TRIM33: variants seen among roughly 807,000 people sequenced by gnomAD.
TRIM33 encodes the protein E3 ubiquitin-protein ligase TRIM33.
In TRIM33, 20 loss-of-function variants were observed where a neutral mutation model predicts 125.4. That is an observed-to-expected ratio of 0.16 (90% confidence interval 0.11 to 0.23). The LOEUF (loss-of-function observed/expected upper bound fraction) is 0.23, where lower values mean the gene tolerates loss of function less well. TRIM33 is among the 10% of genes least tolerant of loss of function. The pLI is 1.00. For missense variants in TRIM33, 920 were observed against 1,411.4 expected (o/e 0.65, Z 5.58); for synonymous variants, 564 against 513.9 (o/e 1.10, Z -1.32).
chr1:114,407,165 T>C (rs1439610172), intron 13 of TRIM33, 65 bp from the exon 14 acceptor site: 5 of 1,371,688 alleles, frequency 3.6e-6, no homozygotes, highest in African/African-American at 2.9e-5. Flanking sequence ...AAAACAATTA[T>C]ATGAAAAGTA....
intron 4 of TRIM33, among the ~76,000 whole-genome samples, chr1:114,445,130 A>C (rs563152988): frequency 6.6e-6 from 1 of 152,216 alleles, no homozygotes; most frequent in Non-Finnish European, 1.5e-5. Flanking sequence ...CAGTGTGAAG[A>C]AGAGAGGGAG....
intron 6 of TRIM33, among the ~76,000 whole-genome samples, chr1:114,429,514 T>C (rs1647806865): frequency 6.6e-6 from 1 of 152,048 alleles, no homozygotes; most frequent in African/African-American, 2.4e-5. Context: ...ATCTCACAAA[T>C]TGTGTTTCAC....
At chr1:114,423,793 G>C (rs1170933147) in intron 10 of TRIM33, among the ~76,000 whole-genome samples, 1 of 152,112 alleles carries the variant, frequency 6.6e-6, no homozygotes, top group Non-Finnish European at 1.5e-5. Flanking sequence ...TCCAACTTTA[G>C]TACGCAGATT....
chr1:114,488,319 T>C (rs1226536350), intron 1 of TRIM33, among the ~76,000 whole-genome samples: 1 of 152,082 alleles, frequency 6.6e-6, no homozygotes, highest in African/African-American at 2.4e-5. Flanking sequence ...AACACATCAA[T>C]AATTACCTTA....
intron 1 of TRIM33, among the ~76,000 whole-genome samples, chr1:114,482,110 C>T (rs1651398341): frequency 6.6e-6 from 1 of 152,162 alleles, no homozygotes. Flanking sequence ...TGGCAGCCAT[C>T]AGCCACACAT....
chr1:114,428,496 G>C lies in TRIM33; in HGVS notation c.1156-602C>G, dbSNP rs370079190. Among the ~76,000 whole-genome samples the C allele has an allele frequency of 1.6e-4, 24 of 152,268 alleles. 1 individual carries two copies. The highest frequency in any genetic ancestry group is 3.4e-3 in the Middle Eastern group (1 of 294). The stretch of plus-strand genomic sequence containing the variant: ...AAAGGAAAAATAAACTGCTTTATGG[G>C]AACTAAAATCACCCCAGGAGGGATG... On this transcript the variant is annotated intron_variant, in intron 6 of 19. Coordinates refer to ENST00000358465, the MANE Select transcript of TRIM33 (RefSeq NM_015906.4).
At position 114,486,200 on chromosome 1, in the gene TRIM33, C is replaced by T. The variant is rs748645023; in HGVS notation, c.527-21812G>A. On this transcript the variant is annotated intron_variant, in intron 1 of 19. Transcript: ENST00000358465. ...CTGAGGCAGGAGAATTGCTTGAACC[C>T]GGGAGGAAGAGGTTGCAATGAGCTG... Among the ~76,000 whole-genome samples, 7 of 152,098 alleles carry T rather than the reference C, an allele frequency of 4.6e-5. No individual in the cohort carries two copies. The East Asian group carries it at 5.8e-4, about 13-fold the overall frequency.
chr1:114,429,154 A>G (rs1647777420), intron 6 of TRIM33, among the ~76,000 whole-genome samples: 1 of 151,932 alleles, frequency 6.6e-6, no homozygotes, highest in South Asian at 2.1e-4. Context: ...ACAGTAGGAA[A>G]AGGGACCCAC....
chr1:114,439,431 G>A (rs971626474), intron 4 of TRIM33, among the ~76,000 whole-genome samples: 1 of 136,964 alleles, frequency 7.3e-6, no homozygotes, highest in Non-Finnish European at 1.5e-5. Flanking sequence ...ATTGCGCCAC[G>A]GCACTCCAGC....
chr1:114,481,691 G>A (rs753417101), intron 1 of TRIM33, among the ~76,000 whole-genome samples: 17 of 150,466 alleles, frequency 1.1e-4, no homozygotes, highest in East Asian at 1.9e-4. Context: ...ATATATATAT[G>A]TGTGTATATA....
At position 114,394,001 on chromosome 1, in the gene TRIM33, T is replaced by C. The variant is rs1288351220; in HGVS notation, c.*3647A>G. 4.4e-6 allele frequency: 1 copy of C among 225,406 alleles called. No homozygotes were observed. The highest frequency in any genetic ancestry group is 6.4e-5 in the East Asian group (1 of 15,624). The allele number at this position is 225,406 out of a possible 1,614,324, so 14.0% of individuals were successfully genotyped here. ...GCTTTATCAAGGAGGAGATTAACTG[T>C]GAGGGAAAAAAAATTAAATATCCAG... is the stretch of plus-strand genomic sequence containing the variant. On this transcript the variant is annotated 3_prime_UTR_variant, in exon 20 of 20. Coordinates refer to ENST00000358465, the MANE Select transcript of TRIM33 (RefSeq NM_015906.4).
intron 1 of TRIM33, among the ~76,000 whole-genome samples, chr1:114,481,969 G>A (rs773582107): frequency 2.6e-5 from 4 of 151,936 alleles, no homozygotes; most frequent in East Asian, 3.9e-4. Context: ...CCATGTTGGC[G>A]CGGCTGGTCT....
At chr1:114,409,459 T>G (rs1313696508) in intron 12 of TRIM33, among the ~76,000 whole-genome samples, 3 of 152,228 alleles carry the variant, frequency 2.0e-5, no homozygotes, top group Non-Finnish European at 4.4e-5. Flanking sequence ...AAATAATTTT[T>G]CAATGTTTCA....
At chr1:114,435,877 CTTTTTTTTTTTT>C (rs34327766) in intron 4 of TRIM33, among the ~76,000 whole-genome samples, 845 of 73,356 alleles carry the variant, frequency 0.012, 16 homozygotes, top group African/African-American at 0.049. Context: ...TAGACACCCG[CTTTTTTTTTTTT>C]TTTTTTTTTT....
In TRIM33 at chr1:114,487,850, T is replaced by C. The variant is rs1002563661; in HGVS notation, c.526+22701A>G. ...AAGCGGAGCTTGCAATGAGCCGAGA[T>C]TGCGCCACTGCAGTCCGCAGTCCGG... is the stretch of plus-strand genomic sequence containing the variant. On this transcript the variant is annotated intron_variant, in intron 1 of 19. Coordinates refer to ENST00000358465, the MANE Select transcript of TRIM33 (RefSeq NM_015906.4). Among the ~76,000 whole-genome samples, 9 of 140,548 alleles carry C rather than the reference T, an allele frequency of 6.4e-5. 1 individual carries two copies. The highest frequency in any genetic ancestry group is 3.0e-4 in the Admixed American group (4 of 13,338). The allele number at this position is 140,548 out of a possible 152,430, so 92.2% of individuals were successfully genotyped here.
At chr1:114,465,808 G>A (rs1026172379) in intron 1 of TRIM33, among the ~76,000 whole-genome samples, 1 of 152,028 alleles carries the variant, frequency 6.6e-6, no homozygotes, top group African/African-American at 2.4e-5. Flanking sequence ...TTGGGAGGCC[G>A]AGGCGGGCGG....
intron 11 of TRIM33, among the ~76,000 whole-genome samples, chr1:114,411,386 G>A (rs1182859389): frequency 6.6e-6 from 1 of 152,174 alleles, no homozygotes; most frequent in Non-Finnish European, 1.5e-5. Context: ...TAGGTTAGTT[G>A]GAGGGATAAT....
At chr1:114,414,316 C>G (rs1479754725) in intron 11 of TRIM33, among the ~76,000 whole-genome samples, 1 of 152,154 alleles carries the variant, frequency 6.6e-6, no homozygotes, top group Non-Finnish European at 1.5e-5. Context: ...AATGCTTTCT[C>G]ACTGAGTTTA....
At chr1:114,480,945 A>T (rs1174737773) in intron 1 of TRIM33, among the ~76,000 whole-genome samples, 1 of 152,150 alleles carries the variant, frequency 6.6e-6, no homozygotes, top group Admixed American at 6.5e-5. Context: ...ATCAGAAAAA[A>T]AAAGATTCTT....
Sources: allele counts gnomAD v4.1 joint callset (sites outside exome capture counted in the v4.1 genomes callset), GRCh38; gene constraint gnomAD v4.1.1; transcripts MANE v1.5; gene names NCBI Gene and HGNC (gene_info 2026-07-23, HGNC 2026-07-21).